Variants in YWHAQ observed in about 807,000 individuals in gnomAD.
YWHAQ encodes the protein 14-3-3 protein theta.
In YWHAQ, 6 loss-of-function variants were observed where a neutral mutation model predicts 28.3. The observed-to-expected ratio is 0.21, with a 90% CI of 0.12 to 0.42. YWHAQ has a LOEUF of 0.42. Ranked by LOEUF, YWHAQ falls within the 10% of genes least tolerant of loss-of-function variation. The probability of loss-of-function intolerance (pLI) is 1.00; values close to 1 mark genes in which losing one functional copy is unlikely to be tolerated. For missense variants in YWHAQ, 201 were observed against 305.6 expected (o/e 0.66, Z 2.55); for synonymous variants, 143 against 119.1 (o/e 1.20, Z -1.31).
At chr2:9,607,196 CTTTTTTTTTTCTT>C (rs1440008405) in intron 2 of YWHAQ, among the ~76,000 whole-genome samples, 1 of 139,616 alleles carries the variant, frequency 7.2e-6, no homozygotes, top group East Asian at 2.2e-4. Flanking sequence ...TTTTCTATTA[CTTTTTTTTTTCTT>C]TTTTTTTTTG....
Position 9,585,160 on chromosome 2 carries a change from G to A in YWHAQ, c.*126C>T. 9.5e-7 allele frequency: 1 copy of A among 1,056,494 alleles called. No homozygotes were observed. The highest frequency in any genetic ancestry group is 1.4e-5 in the South Asian group (1 of 69,270). 65.4% of individuals were successfully genotyped at this position (1,056,494 alleles called of 1,614,324 possible). A position where few individuals can be genotyped will look rare whatever the true frequency, so the allele number is the denominator to read the frequency against. On this transcript the variant is annotated 3_prime_UTR_variant, in exon 6 of 6. Transcript: ENST00000238081. ...TTTTCCCAAAGCTGCAGTGTGAAAAGACTATAAACAGTTGATTCCATACAC... is the reference window on the plus strand; with the variant it reads ...TTTTCCCAAAGCTGCAGTGTGAAAAAACTATAAACAGTTGATTCCATACAC...
At chr2:9,618,331 TC>T (rs1296787545) in intron 2 of YWHAQ, among the ~76,000 whole-genome samples, 1 of 152,228 alleles carries the variant, frequency 6.6e-6, no homozygotes, top group African/African-American at 2.4e-5. Flanking sequence ...AGATAGCTTC[TC>T]TAACAAGGAT....
chr2:9,598,013 T>TTTTTTTTTTA (rs1666612979), intron 2 of YWHAQ, among the ~76,000 whole-genome samples: 16 of 134,996 alleles, frequency 1.2e-4, no homozygotes, highest in African/African-American at 4.6e-4. Context: ...TTTTTTTTTT[T>TTTTTTTTTTA]AGTAGAGACA....
In YWHAQ at chr2:9,624,445, ACAATC is replaced by A. The variant is rs142947512; in HGVS notation, c.294+5709_294+5713del. Among the ~76,000 whole-genome samples, 738 of 152,280 alleles carry A rather than the reference ACAATC, an allele frequency of 4.8e-3. 10 individuals carry two copies. The highest frequency in any genetic ancestry group is 0.017 in the African/African-American group (692 of 41,548). On this transcript the variant is annotated intron_variant, in intron 2 of 5. Transcript: ENST00000238081. ...GGAAGAAGCCAAAGGACAGCATGAC[ACAATC>A]CAATACAACTTAATACAGCTCATTT...
intron 2 of YWHAQ, among the ~76,000 whole-genome samples, chr2:9,622,274 T>C (rs1291237889): frequency 6.6e-6 from 1 of 152,180 alleles, no homozygotes; most frequent in Non-Finnish European, 1.5e-5. Context: ...TGATTTTTTT[T>C]CCTACCATAA....
intron 2 of YWHAQ, among the ~76,000 whole-genome samples, chr2:9,621,474 G>A (rs138322135): frequency 7.6e-4 from 116 of 152,200 alleles, no homozygotes; most frequent in Non-Finnish European, 1.3e-3. Context: ...CAATTACAGT[G>A]AACACCCCCA....
At chr2:9,591,213 T>TG (rs1666448694) in intron 3 of YWHAQ, among the ~76,000 whole-genome samples, 179 bp downstream of exon 3, 1 of 152,350 alleles carries the variant, frequency 6.6e-6, no homozygotes, top group East Asian at 1.9e-4. Flanking sequence ...GAGCATGTGA[T>TG]GTAAATTTAT....
chr2:9,601,740 G>T (rs1013379331), intron 2 of YWHAQ, among the ~76,000 whole-genome samples: 2 of 152,052 alleles, frequency 1.3e-5, no homozygotes, highest in Admixed American at 6.5e-5. Context: ...CTGCCTCCCG[G>T]GTTCAAGCGA....
rs1558554001 is a variant in YWHAQ, at chr2:9,630,869, G to A, written c.-83+72C>T. ...GGCATCGACAACCGGCTGCTCTCAAGGGCGGCACCTCCGCCCGGCCCTCAA... is the reference window on the plus strand; with the variant it reads ...GGCATCGACAACCGGCTGCTCTCAAAGGCGGCACCTCCGCCCGGCCCTCAA... On this transcript the variant is annotated intron_variant, in intron 1 of 5. Transcript: ENST00000238081. This position sits in a 1 kb window ranked among gnomAD's most constrained non-coding sequence, Gnocchi z 5.6. The A allele has an allele frequency of 1.3e-5, 2 of 152,564 alleles. No homozygotes were observed. The highest frequency in any genetic ancestry group is 2.4e-5 in the African/African-American group (1 of 41,442). 9.5% of individuals were successfully genotyped at this position (152,564 alleles called of 1,614,324 possible).
At chr2:9,587,278 C>T (rs1269001033) in intron 5 of YWHAQ, 136 bp downstream of exon 5, 10 of 693,882 alleles carry the variant, frequency 1.4e-5, no homozygotes, top group South Asian at 5.3e-5. Flanking sequence ...AAATAATGTT[C>T]GTCCCATAAA....
intron 2 of YWHAQ, 148 bp from the exon 3 acceptor site, chr2:9,591,663 C>A: frequency 9.4e-7 from 1 of 1,062,774 alleles, no homozygotes. Flanking sequence ...GAAGCATGTT[C>A]TTAGAGCAGG....
At chr2:9,597,638 AAAAAAAAAAAAAAAAG>A (rs1480433271) in intron 2 of YWHAQ, among the ~76,000 whole-genome samples, 9 of 149,132 alleles carry the variant, frequency 6.0e-5, no homozygotes, top group African/African-American at 2.3e-4. Flanking sequence ...CCGTCTCAAA[AAAAAAAAAAAAAAAAG>A]AAAAAGAAAA....
chr2:9,613,052 G>A (rs1666981171), intron 2 of YWHAQ, among the ~76,000 whole-genome samples: 1 of 152,056 alleles, frequency 6.6e-6, no homozygotes, highest in Non-Finnish European at 1.5e-5. Context: ...GATGAGGGAG[G>A]GACAAACCCT....
intron 3 of YWHAQ, among the ~76,000 whole-genome samples, chr2:9,588,993 G>A (rs980546028): frequency 5.3e-5 from 8 of 151,944 alleles, no homozygotes; most frequent in African/African-American, 1.7e-4. Flanking sequence ...ATGGTAGTGC[G>A]TGCCTGTAGC....
At chr2:9,617,213 C>T (rs545535244) in intron 2 of YWHAQ, among the ~76,000 whole-genome samples, 6 of 151,930 alleles carry the variant, frequency 3.9e-5, no homozygotes, top group Admixed American at 3.3e-4. Context: ...CCGCCCGCCT[C>T]GGCCTCCCAA....
intron 2 of YWHAQ, among the ~76,000 whole-genome samples, chr2:9,606,250 ACCC>A (rs1666825204): frequency 6.6e-6 from 1 of 152,030 alleles, no homozygotes; most frequent in Admixed American, 6.6e-5. Context: ...ATCTTTCTGA[ACCC>A]AGTGTGTAAC....
At chr2:9,589,524 G>A (rs112957599) in intron 3 of YWHAQ, among the ~76,000 whole-genome samples, 1,966 of 152,158 alleles carry the variant, frequency 0.013, 41 homozygotes, top group African/African-American at 0.042. Context: ...CGGAGCTTAC[G>A]GTGAGCCAAG....
At chr2:9,621,540 T>C (rs909662262) in intron 2 of YWHAQ, among the ~76,000 whole-genome samples, 1 of 152,146 alleles carries the variant, frequency 6.6e-6, no homozygotes, top group African/African-American at 2.4e-5. Context: ...CTTTTTCAGA[T>C]ACCCATACAT....
chr2:9,627,682 T>A lies in YWHAQ; in HGVS notation c.294+2477A>T, dbSNP rs186308733. On this transcript the variant is annotated intron_variant, in intron 2 of 5. Transcript: ENST00000238081. ...TCTCTACAATAAATAAATAAAACTT[T>A]AAAAAAACCAGTTTCCCATGAACCA... Among the ~76,000 whole-genome samples, 107 of 152,142 alleles carry A rather than the reference T, an allele frequency of 7.0e-4. 1 individual carries two copies. The East Asian group carries it at 0.015, about 21-fold the overall frequency.
Sources: allele counts gnomAD v4.1 joint callset (sites outside exome capture counted in the v4.1 genomes callset), GRCh38; gene constraint gnomAD v4.1.1; non-coding constraint Gnocchi (gnomAD v3.1); transcripts MANE v1.5; gene names NCBI Gene and HGNC (gene_info 2026-07-23, HGNC 2026-07-21).